The following PCDH9 variants were observed in gnomAD, a reference collection of about 807,000 sequenced individuals.
PCDH9 encodes the protein protocadherin-9.
In PCDH9, 24 loss-of-function variants were observed where a neutral mutation model predicts 70.6. That is an observed-to-expected ratio of 0.34 (90% CI 0.25 to 0.48). The LOEUF (loss-of-function observed/expected upper bound fraction) is 0.48. PCDH9 is among the 20% of genes least tolerant of loss of function. The pLI, the probability that PCDH9 is intolerant of heterozygous loss-of-function variation, is 0.99. For missense variants in PCDH9, 1,281 were observed against 1,503.6 expected (o/e 0.85, Z 2.45); for synonymous variants, 562 against 558.5 (o/e 1.01, Z -0.09).
At chr13:66,768,856 A>G (rs1253235815) in intron 3 of PCDH9, among the ~76,000 whole-genome samples, 2 of 152,062 alleles carry the variant, frequency 1.3e-5, no homozygotes, top group Non-Finnish European at 2.9e-5. Flanking sequence ...ATAAATTAAT[A>G]TCATTAAAAT....
At chr13:66,341,478 C>T (rs974415252) in intron 4 of PCDH9, among the ~76,000 whole-genome samples, 6 of 152,046 alleles carry the variant, frequency 3.9e-5, no homozygotes, top group African/African-American at 1.4e-4. Flanking sequence ...GCTGTGGCAG[C>T]GGTGTCACCC....
intron 3 of PCDH9, among the ~76,000 whole-genome samples, chr13:66,788,920 T>G (rs574592578): frequency 6.6e-6 from 1 of 152,066 alleles, no homozygotes; most frequent in Non-Finnish European, 1.5e-5. Flanking sequence ...GTCCTGGTTT[T>G]CTAAAAATCC....
chr13:67,075,092 A>T (rs2085852244), intron 2 of PCDH9, among the ~76,000 whole-genome samples: 1 of 151,994 alleles, frequency 6.6e-6, no homozygotes, highest in South Asian at 2.1e-4. Flanking sequence ...AAAAAAATGC[A>T]ACTTCTTCTT....
At chr13:66,810,004 G>A (rs1240816367) in intron 3 of PCDH9, among the ~76,000 whole-genome samples, 32 of 151,956 alleles carry the variant, frequency 2.1e-4, no homozygotes, top group Admixed American at 2.1e-3. Flanking sequence ...GAAATGCTCA[G>A]AGAAAAAAAA....
Position 66,720,056 on chromosome 13 carries a change from C to T in PCDH9, c.3139-88645G>A, listed in dbSNP as rs570588935. Among the ~76,000 whole-genome samples, 3 of 152,242 alleles carry T rather than the reference C, an allele frequency of 2.0e-5. No homozygotes were observed. The South Asian group carries it at 6.2e-4, about 32-fold the overall frequency. The stretch of plus-strand genomic sequence containing the variant: ...ATCACCCAGCTACCATGTTTTAGCT[C>T]TTAGGATGACTAAAGCATGACTGGG... On this transcript the variant is annotated intron_variant, in intron 3 of 4. Transcript: ENST00000377865.
chr13:66,647,591 G>A (rs1283613190), intron 3 of PCDH9, among the ~76,000 whole-genome samples: 1 of 152,112 alleles, frequency 6.6e-6, no homozygotes, highest in Non-Finnish European at 1.5e-5. Flanking sequence ...ACTCAGAGAT[G>A]TGTTGGCTTC....
rs537343835 is a variant in PCDH9, at chr13:66,601,244, G to T, written c.3340+29966C>A. 2.1e-4 allele frequency among the ~76,000 whole-genome samples: 31 copies of T among 145,736 alleles called. 6 individuals are homozygous for T. The highest frequency in any genetic ancestry group is 4.0e-4 in the Non-Finnish European group (26 of 64,822). On this transcript the variant is annotated intron_variant, in intron 4 of 4. Transcript: ENST00000377865. The stretch of plus-strand genomic sequence containing the variant: ...TTTTGAAAGATATTTCTAGCAAAAA[G>T]ATATCAGTGCTTTTCTCTTTAAAAA...
intron 4 of PCDH9, among the ~76,000 whole-genome samples, chr13:66,555,817 G>A (rs1235906546): frequency 6.8e-6 from 1 of 146,390 alleles, no homozygotes; most frequent in Non-Finnish European, 1.5e-5. Flanking sequence ...TTAACAATGG[G>A]TATGGTCCCA....
rs144252847 is a variant in PCDH9, at chr13:67,114,390, C to T, written c.3036+111015G>A. On this transcript the variant is annotated intron_variant, in intron 2 of 4. Coordinates refer to ENST00000377865, the MANE Select transcript of PCDH9 (RefSeq NM_203487.3). Reference sequence around the variant, plus strand: ...TGGGGTTTATATATCTCCACTGAGACTATATGAAGTAGACAAAGCTCAAAG... The same window carrying T: ...TGGGGTTTATATATCTCCACTGAGATTATATGAAGTAGACAAAGCTCAAAG... Among the ~76,000 whole-genome samples, 450 of 152,202 alleles carry T rather than the reference C, an allele frequency of 3.0e-3. 6 individuals are homozygous for T. Among genetic ancestry groups the T allele is most frequent in the African/African-American group, 0.01 (421 of 41,518 alleles).
At chr13:66,439,735 C>T (rs573789384) in intron 4 of PCDH9, among the ~76,000 whole-genome samples, 5 of 152,236 alleles carry the variant, frequency 3.3e-5, no homozygotes, top group South Asian at 4.2e-4. Context: ...TTAGGCTTCA[C>T]GGTATGTATA....
chr13:66,594,404 T>G lies in PCDH9; in HGVS notation c.3340+36806A>C, dbSNP rs113001265. ...TAAACAGGTTTTGAATATAAAAATA[T>G]TGATGAGCCCAGATTATAATTGACT... On this transcript the variant is annotated intron_variant, in intron 4 of 4. Coordinates refer to ENST00000377865, the MANE Select transcript of PCDH9 (RefSeq NM_203487.3). Among the ~76,000 whole-genome samples the G allele has an allele frequency of 7.9e-3, 1,207 of 151,878 alleles. 15 individuals carry two copies. The highest frequency in any genetic ancestry group is 0.028 in the African/African-American group (1,146 of 41,506).
intron 3 of PCDH9, among the ~76,000 whole-genome samples, chr13:66,756,341 AATTT>A (rs1221038629): frequency 3.9e-5 from 6 of 152,224 alleles, no homozygotes; most frequent in Non-Finnish European, 7.3e-5. Flanking sequence ...AAACTGAGTT[AATTT>A]ATTAAGTAAA....
intron 2 of PCDH9, among the ~76,000 whole-genome samples, chr13:66,978,097 T>G (rs557336262): frequency 1.3e-5 from 2 of 152,268 alleles, no homozygotes; most frequent in African/African-American, 4.8e-5. Flanking sequence ...ATTTACCAGA[T>G]AAGAGAAATG....
intron 3 of PCDH9, among the ~76,000 whole-genome samples, chr13:66,666,110 A>G (rs2139027961): frequency 6.6e-6 from 1 of 152,358 alleles, no homozygotes; most frequent in Non-Finnish European, 1.5e-5. Context: ...TGAATGCAGG[A>G]GCCGTGACCA....
In PCDH9 at chr13:66,849,517, T is replaced by TAGAGAGAGAGAGAGAGAGAG. The variant is rs58589562; in HGVS notation, c.3138+53967_3138+53986dup. On this transcript the variant is annotated intron_variant, in intron 3 of 4. Coordinates refer to ENST00000377865, the MANE Select transcript of PCDH9 (RefSeq NM_203487.3). ...ATATATATATATATATATATATATA[T>TAGAGAGAGAGAGAGAGAGAG]AGAGAGAGAGAGAGAGAGAGAGAGA... Among the ~76,000 whole-genome samples the TAGAGAGAGAGAGAGAGAGAG allele has an allele frequency of 5.2e-4, 33 of 63,576 alleles. 1 individual carries two copies. The highest frequency in any genetic ancestry group is 2.5e-3 in the African/African-American group (30 of 12,062). The allele number at this position is 63,576 out of a possible 152,430, so 41.7% of individuals were successfully genotyped here.
At chr13:66,397,843 C>CA (rs1271999855) in intron 4 of PCDH9, among the ~76,000 whole-genome samples, 2 of 151,552 alleles carry the variant, frequency 1.3e-5, no homozygotes, top group Non-Finnish European at 2.9e-5. Flanking sequence ...TGCAAAATAA[C>CA]AAAAAATTAT....
chr13:66,831,507 G>A (rs2080924651), intron 3 of PCDH9, among the ~76,000 whole-genome samples: 1 of 152,126 alleles, frequency 6.6e-6, no homozygotes, highest in Admixed American at 6.6e-5. Flanking sequence ...GAGGAAGTGA[G>A]TCAGGAAGAT....
chr13:66,488,303 C>G (rs2138526235), intron 4 of PCDH9, among the ~76,000 whole-genome samples: 1 of 152,252 alleles, frequency 6.6e-6, no homozygotes, highest in East Asian at 1.9e-4. Flanking sequence ...TCTAGAAATT[C>G]AAATGCAATA....
intron 3 of PCDH9, among the ~76,000 whole-genome samples, chr13:66,810,268 G>T (rs2080480945): frequency 6.6e-6 from 1 of 151,942 alleles, no homozygotes; most frequent in African/African-American, 2.4e-5. Context: ...TATAAATACA[G>T]AATTTTTTTT....
Sources: gnomAD v4.1 joint callset for allele counts (sites outside exome capture counted in the v4.1 genomes callset) on GRCh38, gnomAD v4.1.1 for gene constraint, MANE v1.5 for transcripts, NCBI Gene and HGNC (gene_info 2026-07-23, HGNC 2026-07-21) for gene names.